SAMD5: variants seen among roughly 807,000 people sequenced by gnomAD.
SAMD5 encodes sterile alpha motif domain-containing protein 5.
Under a neutral mutation model 11.3 loss-of-function variants are expected in SAMD5, and 13 were observed. That is an observed-to-expected ratio of 1.15 (90% confidence interval 0.75 to 1.83). The LOEUF (loss-of-function observed/expected upper bound fraction) is 1.83. Ranked by LOEUF, SAMD5 falls within the 40% of genes most tolerant of loss-of-function variation. The pLI is 0.00. For missense variants in SAMD5, 255 were observed against 239.1 expected (o/e 1.07, Z -0.44); for synonymous variants, 129 against 111.3 (o/e 1.16, Z -1.00).
the SAMD5 span, among the ~76,000 whole-genome samples, chr6:147,914,406 G>C: frequency 6.6e-6 from 1 of 152,106 alleles, no homozygotes; most frequent in Admixed American, 6.5e-5. Flanking sequence ...GTTTTGACCA[G>C]AGCTGGGACA....
intron 1 of SAMD5, among the ~76,000 whole-genome samples, chr6:147,551,827 T>TATAC: frequency 6.8e-6 from 1 of 146,488 alleles, no homozygotes; most frequent in South Asian, 2.1e-4. Flanking sequence ...TATATATATA[T>TATAC]ATATATATAT....
intron 1 of SAMD5, among the ~76,000 whole-genome samples, chr6:147,559,067 C>T (rs1788905814): frequency 6.6e-6 from 1 of 152,164 alleles, no homozygotes; most frequent in Non-Finnish European, 1.5e-5. Flanking sequence ...AAGTACAGTA[C>T]AGAATTCCCA....
chr6:147,624,595 T>C (rs1790023360), intron 1 of SAMD5, among the ~76,000 whole-genome samples: 1 of 152,192 alleles, frequency 6.6e-6, no homozygotes, highest in Admixed American at 6.5e-5. Flanking sequence ...TAGTATTCCA[T>C]CATATGTATA....
At chr6:147,862,403 C>A in the SAMD5 span, among the ~76,000 whole-genome samples, 1 of 152,138 alleles carries the variant, frequency 6.6e-6, no homozygotes, top group Non-Finnish European at 1.5e-5. Flanking sequence ...TTGATTGAGT[C>A]TGGTTCTCCT....
intron 1 of SAMD5, among the ~76,000 whole-genome samples, chr6:147,661,722 C>T (rs1486343047): frequency 2.0e-5 from 3 of 152,078 alleles, no homozygotes; most frequent in African/African-American, 4.8e-5. Flanking sequence ...CTCTGCCTCC[C>T]GGGTTTAAGC....
At chr6:147,848,805 A>G in the SAMD5 span, among the ~76,000 whole-genome samples, 2 of 152,182 alleles carry the variant, frequency 1.3e-5, no homozygotes, top group Non-Finnish European at 1.5e-5. Context: ...CAGCACTTTA[A>G]CTTGTCCTGG....
In SAMD5 at chr6:147,608,823, G is replaced by A. The variant is rs188410228; in HGVS notation, c.162+99436G>A. Among the ~76,000 whole-genome samples the A allele has an allele frequency of 1.6e-3, 236 of 152,240 alleles. 3 individuals are homozygous for A. The highest frequency in any genetic ancestry group is 5.6e-3 in the African/African-American group (232 of 41,536). ...GTAATTGGATTGTTTGCAACTCAAC[G>A]TATAAATTCTTGAGGGGATAGAGAC... On this transcript the variant is annotated intron_variant, in intron 1 of 1. Coordinates refer to the SAMD5 transcript ENST00000566741.
At chr6:147,880,278 CTCTCTCTG>C in the SAMD5 span, among the ~76,000 whole-genome samples, 2 of 152,092 alleles carry the variant, frequency 1.3e-5, no homozygotes, top group Non-Finnish European at 2.9e-5. Flanking sequence ...CTCTCTCTCT[CTCTCTCTG>C]TCTCTCTGTC....
At chr6:147,610,776 G>C (rs533922680) in intron 1 of SAMD5, among the ~76,000 whole-genome samples, 13 of 152,190 alleles carry the variant, frequency 8.5e-5, no homozygotes, top group African/African-American at 3.1e-4. Context: ...GTTTGATCAG[G>C]ATTTGGGGTT....
chr6:147,912,851 A>G, the SAMD5 span, among the ~76,000 whole-genome samples: 1 of 152,162 alleles, frequency 6.6e-6, no homozygotes, highest in Non-Finnish European at 1.5e-5. Context: ...TTTATATAAG[A>G]AATAAGGGAA....
chr6:147,701,909 G>T (rs1791258517), intron 1 of SAMD5, among the ~76,000 whole-genome samples: 1 of 152,112 alleles, frequency 6.6e-6, no homozygotes, highest in Non-Finnish European at 1.5e-5. Context: ...GAAATCCTTA[G>T]ATATGTTTAT....
chr6:147,928,722 C>T, the SAMD5 span, among the ~76,000 whole-genome samples: 1 of 152,146 alleles, frequency 6.6e-6, no homozygotes, highest in Admixed American at 6.5e-5. Context: ...TTGGTTTCCT[C>T]TTGCTTCTCT....
At chr6:147,735,981 C>T (rs1459052120) in intron 1 of SAMD5, among the ~76,000 whole-genome samples, 1 of 152,004 alleles carries the variant, frequency 6.6e-6, no homozygotes, top group East Asian at 1.9e-4. Flanking sequence ...TAAAATGTGA[C>T]TAATATTATA....
the SAMD5 span, among the ~76,000 whole-genome samples, chr6:147,745,336 G>GA: frequency 2.6e-5 from 4 of 151,862 alleles, no homozygotes; most frequent in Non-Finnish European, 5.9e-5. Context: ...TTTCCATAGT[G>GA]AAAAAAAATT....
the SAMD5 span, among the ~76,000 whole-genome samples, chr6:147,909,208 CA>C: frequency 1.3e-5 from 2 of 152,042 alleles, no homozygotes; most frequent in Non-Finnish European, 2.9e-5. Context: ...GCAACAACAA[CA>C]AAAAAACTAG....
At chr6:147,840,743 C>G in the SAMD5 span, among the ~76,000 whole-genome samples, 1 of 152,146 alleles carries the variant, frequency 6.6e-6, no homozygotes, top group Admixed American at 6.5e-5. Flanking sequence ...GGTAATGATA[C>G]TTCTTTCAAA....
At chr6:147,878,472 T>C in the SAMD5 span, among the ~76,000 whole-genome samples, 1 of 151,596 alleles carries the variant, frequency 6.6e-6, no homozygotes, top group African/African-American at 2.4e-5. Flanking sequence ...ATACTACATC[T>C]CTATTTATAG....
chr6:147,601,403 T>C (rs1206714437), intron 1 of SAMD5, among the ~76,000 whole-genome samples: 1 of 152,178 alleles, frequency 6.6e-6, no homozygotes, highest in Non-Finnish European at 1.5e-5. Flanking sequence ...TCAGTTTATT[T>C]TTATGTCTAG....
the SAMD5 span, among the ~76,000 whole-genome samples, chr6:147,804,389 C>T: frequency 7.2e-5 from 11 of 152,124 alleles, no homozygotes; most frequent in African/African-American, 1.7e-4. Context: ...GGATTACAGG[C>T]GTGAGCCACT....
Sources: gnomAD v4.1 joint callset for allele counts (sites outside exome capture counted in the v4.1 genomes callset) on GRCh38, gnomAD v4.1.1 for gene constraint, MANE v1.5 for transcripts, NCBI Gene and HGNC (gene_info 2026-07-23, HGNC 2026-07-21) for gene names.